Variants in XRCC6 observed in about 807,000 individuals in gnomAD.
The protein encoded by XRCC6 is DNA repair protein Ku70.
A neutral mutation model predicts 65.7 loss-of-function variants in XRCC6; 5 were observed. The ratio of observed to expected loss-of-function variants is 0.08; its 90% CI spans 0.04 to 0.16. The LOEUF is 0.16. Among genes scored for constraint, XRCC6 ranks in the 10% least tolerant of loss-of-function variants. The pLI, the probability that XRCC6 is intolerant of heterozygous loss-of-function variation, is 1.00. For synonymous variants in XRCC6, 270 were observed against 270.6 expected (o/e 1.00, Z 0.02); for missense variants, 447 against 738.1 (o/e 0.61, Z 4.57).
At chr22:41,645,515 A>G (rs1033989152) in intron 6 of XRCC6, among the ~76,000 whole-genome samples, 8 of 152,118 alleles carry the variant, frequency 5.3e-5, no homozygotes, top group East Asian at 1.9e-4. Flanking sequence ...AGAACGTCCT[A>G]TGGCCTTCTC....
chr22:41,640,361 G>A (rs2067862945), intron 6 of XRCC6, among the ~76,000 whole-genome samples: 1 of 152,020 alleles, frequency 6.6e-6, no homozygotes, highest in Non-Finnish European at 1.5e-5. Context: ...GTGTTAGCTA[G>A]GATGGTCTTG....
chr22:41,636,814 G>GT (rs760490303), intron 5 of XRCC6, 44 bp downstream of exon 5: 8 of 1,586,052 alleles, frequency 5.0e-6, no homozygotes, highest in African/African-American at 4.1e-5. Flanking sequence ...CTTAATTATT[G>GT]TTTTTTTATT....
chr22:41,630,918 C>T (rs540608430), intron 3 of XRCC6, among the ~76,000 whole-genome samples: 229 of 152,342 alleles, frequency 1.5e-3, no homozygotes, highest in East Asian at 5.4e-3. Context: ...CACCTTTCCC[C>T]GCTTTCTATT....
intron 6 of XRCC6, among the ~76,000 whole-genome samples, chr22:41,640,350 C>T (rs949249675): frequency 3.3e-5 from 5 of 152,036 alleles, no homozygotes; most frequent in Non-Finnish European, 5.9e-5. Context: ...GGGGTTTCAC[C>T]GTGTTAGCTA....
At position 41,657,135 on chromosome 22, in the gene XRCC6, A is replaced by G. The variant is rs113310675; in HGVS notation, c.1421+103A>G. 4 of 1,354,384 alleles carry G rather than the reference A, an allele frequency of 3.0e-6. No homozygotes were observed. The Admixed American group carries it at 1.2e-4, about 41-fold the overall frequency. The allele number at this position is 1,354,384 out of a possible 1,614,324, so 83.9% of individuals were successfully genotyped here. A position where few individuals can be genotyped will look rare whatever the true frequency, so the allele number is the denominator to read the frequency against. ...AGAATGGCACTACTCTTTTCAGCAA[A>G]CTGACAGATTACTACTTGTTATTAA... On this transcript the variant is annotated intron_variant, in intron 10 of 12. Transcript: ENST00000360079.
At chr22:41,624,793 C>T (rs923278566) in intron 2 of XRCC6, among the ~76,000 whole-genome samples, 2 of 147,602 alleles carry the variant, frequency 1.4e-5, no homozygotes, top group Admixed American at 6.9e-5. Context: ...GTCAGGACAT[C>T]GAGACCATCC....
intron 7 of XRCC6, 74 bp from the exon 8 acceptor site, chr22:41,650,649 G>A: frequency 1.3e-6 from 2 of 1,505,182 alleles, no homozygotes; most frequent in Non-Finnish European, 1.8e-6. Flanking sequence ...TAACTTGCTA[G>A]TGTCATCATC....
intron 11 of XRCC6, among the ~76,000 whole-genome samples, chr22:41,660,641 C>G (rs1406502847): frequency 6.6e-6 from 1 of 152,102 alleles, no homozygotes; most frequent in Admixed American, 6.6e-5. Context: ...TACCTTCCAG[C>G]TATATGTCAC....
At chr22:41,647,596 A>G (rs965511632) in intron 7 of XRCC6, among the ~76,000 whole-genome samples, 3 of 151,494 alleles carry the variant, frequency 2.0e-5, no homozygotes, top group Admixed American at 6.6e-5. Context: ...AAAAAAAAAA[A>G]AGAGACGGTG....
At chr22:41,633,075 C>T (rs966271349) in intron 3 of XRCC6, among the ~76,000 whole-genome samples, 4 of 151,456 alleles carry the variant, frequency 2.6e-5, no homozygotes, top group African/African-American at 9.7e-5. Flanking sequence ...TGCAGTGAGC[C>T]GAGATGGCAC....
At chr22:41,636,028 A>G in intron 3 of XRCC6, 85 bp from the exon 4 acceptor site, 1 of 1,254,300 alleles carries the variant, frequency 8.0e-7, no homozygotes, top group Non-Finnish European at 1.1e-6. Flanking sequence ...TTCAGTGCAC[A>G]TATTTTGAGC....
chr22:41,647,092 G>T lies in XRCC6; in HGVS notation c.960+10G>T. 1 of 1,612,644 alleles carries T rather than the reference G, an allele frequency of 6.2e-7. No individual in the cohort carries two copies. ...TACCAAGAGGTCTCAGGTAGGTAGAGATGCCTTTTGTTGTTGTTGTTTTTG... is the reference window on the plus strand; with the variant it reads ...TACCAAGAGGTCTCAGGTAGGTAGATATGCCTTTTGTTGTTGTTGTTTTTG... On this transcript the variant is annotated intron_variant, in intron 7 of 12. Transcript: ENST00000360079.
intron 10 of XRCC6, among the ~76,000 whole-genome samples, chr22:41,657,288 G>A (rs1026589120): frequency 2.0e-5 from 3 of 152,074 alleles, no homozygotes; most frequent in African/African-American, 4.8e-5. Context: ...AAAATAGCAG[G>A]ATTCTTATTC....
At chr22:41,624,384 T>C (rs544454104) in intron 2 of XRCC6, among the ~76,000 whole-genome samples, 1 of 150,100 alleles carries the variant, frequency 6.7e-6, no homozygotes, top group East Asian at 2.0e-4. Context: ...TGAAACTCTA[T>C]CTCAAAAAAA....
At chr22:41,626,889 C>T (rs1402860436) in intron 2 of XRCC6, among the ~76,000 whole-genome samples, 1 of 152,052 alleles carries the variant, frequency 6.6e-6, no homozygotes, top group African/African-American at 2.4e-5. Flanking sequence ...ATCCGCGCGC[C>T]TCGGCCTCCC....
chr22:41,661,539 T>TAAAATGG, intron 12 of XRCC6, 95 bp downstream of exon 12: 1 of 1,061,098 alleles, frequency 9.4e-7, no homozygotes, highest in Admixed American at 2.5e-5. Flanking sequence ...AAATATCTAT[T>TAAAATGG]CACAGTCTAG....
intron 2 of XRCC6, among the ~76,000 whole-genome samples, chr22:41,626,184 G>T (rs1428604591): frequency 6.7e-6 from 1 of 149,676 alleles, no homozygotes; most frequent in East Asian, 2.0e-4. Flanking sequence ...GCTCTGTCAC[G>T]CAGGCTGGAG....
At chr22:41,640,063 A>T in intron 6 of XRCC6, among the ~76,000 whole-genome samples, 1 of 151,384 alleles carries the variant, frequency 6.6e-6, no homozygotes, top group East Asian at 2.0e-4. Context: ...ACGGTGTCTC[A>T]CTCTTGCCCA....
At chr22:41,625,379 A>G (rs1255085326) in intron 2 of XRCC6, among the ~76,000 whole-genome samples, 2 of 151,934 alleles carry the variant, frequency 1.3e-5, no homozygotes, top group Admixed American at 1.3e-4. Flanking sequence ...TAATCTCAGC[A>G]CTTTGGGAGT....
Sources: allele counts gnomAD v4.1 joint callset (sites outside exome capture counted in the v4.1 genomes callset), GRCh38; gene constraint gnomAD v4.1.1; transcripts MANE v1.5; gene names NCBI Gene and HGNC (gene_info 2026-07-23, HGNC 2026-07-21).